Variants in PCDH15 observed in about 807,000 individuals in gnomAD.
The protein encoded by PCDH15 is protocadherin-15.
PCDH15 carries 129 observed loss-of-function variants against 178.5 expected under a neutral mutation model. The observed-to-expected ratio is 0.72, with a 90% confidence interval of 0.63 to 0.84. PCDH15 has a LOEUF of 0.84. Among genes scored for constraint, PCDH15 ranks in the 40% least tolerant of loss-of-function variants. The probability of loss-of-function intolerance (pLI) is 0.00; values close to 1 mark genes in which losing one functional copy is unlikely to be tolerated. For missense variants in PCDH15, 2,230 were observed against 2,099.9 expected (o/e 1.06, Z -1.21); for synonymous variants, 800 against 732.0 (o/e 1.09, Z -1.50).
intron 2 of PCDH15, among the ~76,000 whole-genome samples, chr10:55,342,299 T>C (rs909121629): frequency 2.0e-5 from 3 of 151,942 alleles, no homozygotes; most frequent in Non-Finnish European, 2.9e-5. Flanking sequence ...CTGTACATTA[T>C]ATTAAAGCAC....
At chr10:55,623,704 G>A (rs1342213785) in intron 2 of PCDH15, among the ~76,000 whole-genome samples, 2 of 150,776 alleles carry the variant, frequency 1.3e-5, no homozygotes, top group African/African-American at 4.9e-5. Context: ...GAAGAGAAAA[G>A]ATAGGAGTGG....
At chr10:54,077,084 C>T (rs527319951) in intron 17 of PCDH15, among the ~76,000 whole-genome samples, 4 of 151,920 alleles carry the variant, frequency 2.6e-5, no homozygotes, top group South Asian at 4.1e-4. Context: ...TAAGTATATC[C>T]GTAAAATTAT....
intron 3 of PCDH15, among the ~76,000 whole-genome samples, chr10:54,467,367 T>G (rs1335200394): frequency 6.6e-6 from 1 of 151,814 alleles, no homozygotes; most frequent in Non-Finnish European, 1.5e-5. Flanking sequence ...TCTTAAAGGA[T>G]GTTAAATTTT....
rs754772703 is a variant in PCDH15, at chr10:55,239,123, G to T, written c.-155-72472C>A. 2.0e-5 allele frequency among the ~76,000 whole-genome samples: 3 copies of T among 151,430 alleles called. No individual in the cohort carries two copies. The South Asian group carries it at 6.2e-4, about 31-fold the overall frequency. On this transcript the variant is annotated intron_variant, in intron 1 of 5. Coordinates refer to the PCDH15 transcript ENST00000458638. ...TAAGAATATGTGAAATTTGTCTTTCGGCTTGTGCTTGGCTTATTTCACTTA... is the reference window on the plus strand; with the variant it reads ...TAAGAATATGTGAAATTTGTCTTTCTGCTTGTGCTTGGCTTATTTCACTTA...
chr10:55,265,745 T>C (rs764178817), intron 1 of PCDH15, among the ~76,000 whole-genome samples: 1 of 152,132 alleles, frequency 6.6e-6, no homozygotes, highest in Non-Finnish European at 1.5e-5. Context: ...AGAGAGGCCT[T>C]GGTAAAACAC....
chr10:55,582,492 G>A (rs74736929), intron 2 of PCDH15, among the ~76,000 whole-genome samples: 2,091 of 150,660 alleles, frequency 0.014, 56 homozygotes, highest in African/African-American at 0.049. Flanking sequence ...GCCTTACCTT[G>A]CATATGTCTA....
intron 1 of PCDH15, among the ~76,000 whole-genome samples, chr10:55,310,048 T>C (rs1843540563): frequency 6.6e-6 from 1 of 152,220 alleles, no homozygotes; most frequent in Non-Finnish European, 1.5e-5. Flanking sequence ...CCTCCATGGC[T>C]ACATTTATTT....
intron 21 of PCDH15, among the ~76,000 whole-genome samples, chr10:53,963,720 A>C (rs1589650987): frequency 6.6e-6 from 1 of 152,252 alleles, no homozygotes; most frequent in East Asian, 1.9e-4. Context: ...TCTATCTGAA[A>C]GCCTAGGGGT....
chr10:54,622,946 C>T (rs1403322711), intron 2 of PCDH15, among the ~76,000 whole-genome samples: 13 of 149,856 alleles, frequency 8.7e-5, no homozygotes, highest in African/African-American at 3.0e-4. Flanking sequence ...AGACCTGCTG[C>T]ACCTTGCCTA....
intron 2 of PCDH15, among the ~76,000 whole-genome samples, chr10:55,504,309 T>C (rs1049134140): frequency 2.0e-5 from 3 of 151,478 alleles, no homozygotes; most frequent in Non-Finnish European, 4.4e-5. Flanking sequence ...TCAATTTTGC[T>C]ATAAATCTAA....
At chr10:55,307,747 A>T (rs1843469600) in intron 1 of PCDH15, among the ~76,000 whole-genome samples, 1 of 151,930 alleles carries the variant, frequency 6.6e-6, no homozygotes, top group Admixed American at 6.6e-5. Context: ...TAATTAAAAT[A>T]TTTTTAAAAA....
intron 2 of PCDH15, among the ~76,000 whole-genome samples, chr10:54,956,708 A>G (rs1172135910): frequency 6.6e-6 from 1 of 151,658 alleles, no homozygotes; most frequent in African/African-American, 2.4e-5. Flanking sequence ...AGGACTATTT[A>G]GTAGTAATAC....
intron 1 of PCDH15, among the ~76,000 whole-genome samples, chr10:54,792,595 C>T (rs1465616289): frequency 6.6e-6 from 1 of 151,852 alleles, no homozygotes; most frequent in Non-Finnish European, 1.5e-5. Context: ...AGTTGCTCTC[C>T]CTACCTGTCT....
chr10:55,241,769 A>T (rs1454531622), intron 1 of PCDH15, among the ~76,000 whole-genome samples: 1 of 152,016 alleles, frequency 6.6e-6, no homozygotes, highest in South Asian at 2.1e-4. Flanking sequence ...TCCTTCTATA[A>T]TTGCCTCCTT....
chr10:54,655,279 AGAGAGAGAGAGAGAGAGAGAG>A (rs2094362040), intron 2 of PCDH15, among the ~76,000 whole-genome samples: 1 of 125,470 alleles, frequency 8.0e-6, no homozygotes, highest in African/African-American at 3.0e-5. Flanking sequence ...AGAGAGAGAG[AGAGAGAGAGAGAGAGAGAGAG>A]AGACAGAGAG....
At chr10:54,600,029 T>C (rs2092451051) in intron 2 of PCDH15, 2 of 1,337,778 alleles carry the variant, frequency 1.5e-6, no homozygotes, top group Non-Finnish European at 2.1e-6. Flanking sequence ...AAAGCAGAAG[T>C]GGGGAAAGGT....
intron 2 of PCDH15, among the ~76,000 whole-genome samples, chr10:54,958,014 C>T (rs922436023): frequency 6.6e-6 from 1 of 151,622 alleles, no homozygotes; most frequent in Non-Finnish European, 1.5e-5. Flanking sequence ...AATTAGAGAC[C>T]AAAGGAATCT....
intron 2 of PCDH15, among the ~76,000 whole-genome samples, chr10:55,626,412 A>G (rs1444726988): frequency 2.0e-5 from 3 of 152,192 alleles, no homozygotes; most frequent in African/African-American, 7.2e-5. Flanking sequence ...CACAAATGAG[A>G]TCAGAAATAA....
chr10:53,813,605 T>C (rs1173477904), intron 35 of PCDH15, among the ~76,000 whole-genome samples: 1 of 152,168 alleles, frequency 6.6e-6, no homozygotes, highest in African/African-American at 2.4e-5. Context: ...CTTAAATTTG[T>C]AGTTAAATAC....
Sources: gnomAD v4.1 joint callset for allele counts (sites outside exome capture counted in the v4.1 genomes callset) on GRCh38, gnomAD v4.1.1 for gene constraint, MANE v1.5 for transcripts, NCBI Gene and HGNC (gene_info 2026-07-23, HGNC 2026-07-21) for gene names.